PDE7B: variants seen among roughly 807,000 people sequenced by gnomAD.
The protein encoded by PDE7B is 3',5'-cyclic-AMP phosphodiesterase 7B.
In PDE7B, 29 loss-of-function variants were observed where a neutral mutation model predicts 56.2. That is an observed-to-expected ratio of 0.52 (90% CI 0.38 to 0.70). The LOEUF (loss-of-function observed/expected upper bound fraction) is 0.70. Ranked by LOEUF, PDE7B falls within the 30% of genes least tolerant of loss-of-function variation. The pLI is 0.00. For missense variants in PDE7B, 490 were observed against 565.0 expected, an observed-to-expected ratio of 0.87 and a Z score of 1.35; for synonymous variants, 197 against 196.9, an observed-to-expected ratio of 1.00 and a Z score of 0.00.
intron 3 of PDE7B, among the ~76,000 whole-genome samples, chr6:136,110,182 C>CT (rs771664623): frequency 1.7e-4 from 26 of 152,250 alleles, no homozygotes; most frequent in South Asian, 4.2e-4. Flanking sequence ...ATAACCTTCC[C>CT]TACCCAGACC....
At chr6:135,857,962 C>A (rs1028737837) in intron 1 of PDE7B, among the ~76,000 whole-genome samples, 1 of 152,018 alleles carries the variant, frequency 6.6e-6, no homozygotes, top group African/African-American at 2.4e-5. Flanking sequence ...AGGAACAAGG[C>A]TTACTTTTCT....
At chr6:135,871,335 C>G (rs1775375756) in intron 1 of PDE7B, among the ~76,000 whole-genome samples, 1 of 152,162 alleles carries the variant, frequency 6.6e-6, no homozygotes, top group South Asian at 2.1e-4. Context: ...AGTCAGCCCA[C>G]AAAAGCCTGT....
intron 3 of PDE7B, among the ~76,000 whole-genome samples, chr6:136,140,778 G>T (rs1318101310): frequency 1.3e-5 from 2 of 152,118 alleles, no homozygotes; most frequent in Admixed American, 6.6e-5. Flanking sequence ...TCTGTTATTG[G>T]TGTATAAGAA....
chr6:136,112,973 T>C (rs1777772660), intron 3 of PDE7B, among the ~76,000 whole-genome samples: 1 of 152,160 alleles, frequency 6.6e-6, no homozygotes, highest in Non-Finnish European at 1.5e-5. Context: ...AGTGTCCTGA[T>C]TTGGACACTA....
intron 2 of PDE7B, among the ~76,000 whole-genome samples, chr6:136,036,672 T>C (rs370235609): frequency 6.6e-4 from 100 of 152,246 alleles, no homozygotes; most frequent in African/African-American, 2.4e-3. Flanking sequence ...CTCTCTCCCA[T>C]GAAGAAATAT....
At chr6:135,904,106 A>G (rs770726867) in intron 1 of PDE7B, among the ~76,000 whole-genome samples, 19 of 152,198 alleles carry the variant, frequency 1.2e-4, no homozygotes, top group Non-Finnish European at 1.8e-4. Flanking sequence ...TTTATATTCA[A>G]ATACCACAGG....
chr6:136,105,469 C>T (rs116806460), intron 2 of PDE7B, among the ~76,000 whole-genome samples: 298 of 152,276 alleles, frequency 2.0e-3, no homozygotes, highest in Middle Eastern at 6.8e-3. Context: ...TTTGCTTCCT[C>T]ATCTGTAAAG....
chr6:136,077,841 G>A (rs1439199283), intron 2 of PDE7B, among the ~76,000 whole-genome samples: 3 of 152,140 alleles, frequency 2.0e-5, no homozygotes, highest in African/African-American at 4.8e-5. Flanking sequence ...ACTTGGTAAC[G>A]AATGTGAATA....
intron 2 of PDE7B, among the ~76,000 whole-genome samples, chr6:136,003,549 T>A (rs998387218): frequency 4.6e-5 from 7 of 152,136 alleles, no homozygotes; most frequent in Non-Finnish European, 1.0e-4. Context: ...AAGTACAAAC[T>A]ACCATCAGAG....
chr6:135,903,081 GA>G (rs1259404380), intron 1 of PDE7B, among the ~76,000 whole-genome samples: 1 of 152,116 alleles, frequency 6.6e-6, no homozygotes, highest in Non-Finnish European at 1.5e-5. Flanking sequence ...AGCATTTAAT[GA>G]TGCCTAATTA....
At chr6:135,870,328 T>C (rs1775352365) in intron 1 of PDE7B, among the ~76,000 whole-genome samples, 1 of 152,130 alleles carries the variant, frequency 6.6e-6, no homozygotes, top group South Asian at 2.1e-4. Context: ...CTGCCCCCTA[T>C]CAGCTTTGTA....
intron 1 of PDE7B, among the ~76,000 whole-genome samples, chr6:135,909,896 G>GTA: frequency 6.6e-6 from 1 of 152,116 alleles, no homozygotes; most frequent in Admixed American, 6.5e-5. Flanking sequence ...TGTGATCTTG[G>GTA]GACTAGCTCT....
intron 2 of PDE7B, among the ~76,000 whole-genome samples, chr6:136,046,061 C>T (rs1776500075): frequency 6.6e-6 from 1 of 151,804 alleles, no homozygotes; most frequent in Non-Finnish European, 1.5e-5. Context: ...CAGGACATTA[C>T]ATTTAGAGGA....
intron 3 of PDE7B, among the ~76,000 whole-genome samples, chr6:136,140,663 T>C (rs1240533054): frequency 2.6e-5 from 4 of 152,274 alleles, no homozygotes; most frequent in Admixed American, 6.5e-5. Flanking sequence ...GGTTTGTAGT[T>C]CTCCTTGAAG....
At chr6:136,076,391 T>C (rs1425590499) in intron 2 of PDE7B, among the ~76,000 whole-genome samples, 4 of 152,090 alleles carry the variant, frequency 2.6e-5, no homozygotes, top group African/African-American at 7.2e-5. Context: ...GAGAATTGCT[T>C]GAACCCAGGA....
Position 136,192,919 on chromosome 6 carries a change from A to C in PDE7B, c.*1079A>C, listed in dbSNP as rs964529490. Reference sequence around the variant, plus strand: ...GTTTTCCAGCTAAGGTCACAAACCAAAACTGAATAAAGTCTTTGAGGAAAC... The same window carrying C: ...GTTTTCCAGCTAAGGTCACAAACCACAACTGAATAAAGTCTTTGAGGAAAC... On this transcript the variant is annotated 3_prime_UTR_variant, in exon 13 of 13. Coordinates refer to ENST00000308191, the MANE Select transcript of PDE7B (RefSeq NM_018945.4). 6.6e-6 allele frequency: 1 copy of C among 152,280 alleles called. No individual in the cohort carries two copies. The highest frequency in any genetic ancestry group is 1.5e-5 in the Non-Finnish European group (1 of 68,050). 9.4% of individuals were successfully genotyped at this position (152,280 alleles called of 1,614,324 possible).
At chr6:135,886,641 C>G (rs1277913550) in intron 1 of PDE7B, among the ~76,000 whole-genome samples, 1 of 152,116 alleles carries the variant, frequency 6.6e-6, no homozygotes, top group Non-Finnish European at 1.5e-5. Flanking sequence ...CATTCCTGAG[C>G]TACTTCACTT....
At chr6:135,910,023 T>A (rs915622608) in intron 1 of PDE7B, among the ~76,000 whole-genome samples, 1 of 152,214 alleles carries the variant, frequency 6.6e-6, no homozygotes, top group Non-Finnish European at 1.5e-5. Flanking sequence ...CCTAAAATCC[T>A]GACAGGTGTA....
chr6:135,878,003 A>G (rs1482537273), intron 1 of PDE7B, among the ~76,000 whole-genome samples: 1 of 152,192 alleles, frequency 6.6e-6, no homozygotes, highest in Non-Finnish European at 1.5e-5. Flanking sequence ...ACATGCAATT[A>G]GAGCAGGTTT....
Sources: allele counts gnomAD v4.1 joint callset (sites outside exome capture counted in the v4.1 genomes callset), GRCh38; gene constraint gnomAD v4.1.1; transcripts MANE v1.5; gene names NCBI Gene and HGNC (gene_info 2026-07-23, HGNC 2026-07-21).